The following TMEM123 variants were observed in gnomAD, a reference collection of about 807,000 sequenced individuals.
TMEM123 encodes transmembrane protein 123.
Under a neutral mutation model 19.7 loss-of-function variants are expected in TMEM123, and 16 were observed. The ratio of observed to expected loss-of-function variants is 0.81; its 90% CI spans 0.55 to 1.23. The LOEUF is 1.23. Ranked by LOEUF, TMEM123 falls within the 50% of genes most tolerant of loss-of-function variation. The pLI is 0.00. For missense variants in TMEM123, 313 were observed against 257.8 expected (o/e 1.21, Z -1.47); for synonymous variants, 118 against 99.4 (o/e 1.19, Z -1.12).
chr11:102,401,587 A>G lies in TMEM123; in HGVS notation c.554T>C (p.Ile185Thr). The G allele has an allele frequency of 6.2e-7, 1 of 1,601,018 alleles. No homozygotes were observed. The highest frequency in any genetic ancestry group is 8.5e-7 in the Non-Finnish European group (1 of 1,176,938). ...LTLGVLSILY[I>T]GCKMYYSRRG... ...TCTTGAGTAATACATTTTGCATCCA[A>G]TGTAAAGAATAGATAAAACTCCCAG... Residue 185 changes from isoleucine to threonine, a missense_variant, in exon 4 of 5, where the codon ATT becomes ACT. Transcript: ENST00000398136.
chr11:102,419,003 C>T lies in TMEM123; in HGVS notation c.158-16797G>A, dbSNP rs117380134. On this transcript the variant is annotated intron_variant, in intron 2 of 4. Coordinates refer to ENST00000398136, the MANE Select transcript of TMEM123 (RefSeq NM_052932.3). ...AGAAGGGAAGAATAACACACCAACA[C>T]CTGCCTGAGGGTAGGACCAGGGAGG... Among the ~76,000 whole-genome samples the T allele has an allele frequency of 4.5e-3, 692 of 152,226 alleles. 6 individuals are homozygous for T. The highest frequency in any genetic ancestry group is 0.01 in the Middle Eastern group (3 of 294).
At position 102,396,726 on chromosome 11, in the gene TMEM123, G is replaced by A. The variant is rs1475542429; in HGVS notation, c.*2141C>T. 1 of 152,106 alleles carries A rather than the reference G, an allele frequency of 6.6e-6. No homozygotes were observed. Among genetic ancestry groups the A allele is most frequent in the Admixed American group, 6.5e-5 (1 of 15,278 alleles). 9.4% of individuals were successfully genotyped at this position (152,106 alleles called of 1,614,324 possible). ...AACAACAAAAAAACCTACATTCAAA[G>A]TACGGGTATTTGAAAGTAACAAATT... On this transcript the variant is annotated 3_prime_UTR_variant, in exon 5 of 5. Transcript: ENST00000398136.
At chr11:102,401,399 G>C (rs1169080535) in intron 4 of TMEM123, 140 bp downstream of exon 4, 3 of 704,812 alleles carry the variant, frequency 4.3e-6, no homozygotes. Flanking sequence ...TTTACTTTGG[G>C]CCAAAAGGGT....
At chr11:102,430,591 A>T (rs1857688740) in intron 2 of TMEM123, among the ~76,000 whole-genome samples, 1 of 152,228 alleles carries the variant, frequency 6.6e-6, no homozygotes, top group Non-Finnish European at 1.5e-5. Flanking sequence ...TCAGGTAGTG[A>T]GAACAGAACA....
At chr11:102,405,957 A>C (rs1018334106) in intron 2 of TMEM123, among the ~76,000 whole-genome samples, 3 of 152,336 alleles carry the variant, frequency 2.0e-5, no homozygotes, top group Admixed American at 1.3e-4. Context: ...CCAAATTCAC[A>C]TTGGATGACC....
At chr11:102,428,603 G>A (rs763949205) in intron 2 of TMEM123, among the ~76,000 whole-genome samples, 20 of 150,908 alleles carry the variant, frequency 1.3e-4, no homozygotes, top group African/African-American at 2.2e-4. Context: ...CAGTGTGCCC[G>A]GCCCCCCCAA....
chr11:102,437,310 T>G (rs1857773054), intron 2 of TMEM123, among the ~76,000 whole-genome samples: 1 of 152,114 alleles, frequency 6.6e-6, no homozygotes, highest in East Asian at 1.9e-4. Flanking sequence ...AATACAAAAA[T>G]TAGCTGGGTG....
intron 2 of TMEM123, among the ~76,000 whole-genome samples, chr11:102,444,653 C>T (rs1008974290): frequency 6.6e-6 from 1 of 151,964 alleles, no homozygotes; most frequent in Non-Finnish European, 1.5e-5. Context: ...CAAACCTGCA[C>T]ATTGTGCACA....
At chr11:102,452,459 G>C in intron 1 of TMEM123, 65 bp downstream of exon 1, 1 of 1,325,080 alleles carries the variant, frequency 7.5e-7, no homozygotes, top group Non-Finnish European at 9.9e-7. Context: ...CCCAACTTGG[G>C]AACCCAAGCC....
intron 2 of TMEM123, among the ~76,000 whole-genome samples, chr11:102,434,012 T>A (rs1371226743): frequency 2.6e-5 from 4 of 151,948 alleles, no homozygotes; most frequent in African/African-American, 9.7e-5. Flanking sequence ...CGAGAACAGA[T>A]AAATACACTT....
chr11:102,407,808 T>A (rs75899078), intron 2 of TMEM123, among the ~76,000 whole-genome samples: 93 of 152,322 alleles, frequency 6.1e-4, no homozygotes, highest in African/African-American at 2.1e-3. Context: ...CACCTTCACC[T>A]CTGACTCCAG....
intron 2 of TMEM123, among the ~76,000 whole-genome samples, chr11:102,410,602 T>C (rs1238131581): frequency 6.6e-6 from 1 of 151,440 alleles, no homozygotes; most frequent in Non-Finnish European, 1.5e-5. Flanking sequence ...TCCCCAAGCC[T>C]CTCATCCTGG....
chr11:102,437,725 C>T (rs1857779441), intron 2 of TMEM123, among the ~76,000 whole-genome samples: 1 of 152,140 alleles, frequency 6.6e-6, no homozygotes, highest in South Asian at 2.1e-4. Context: ...TAAAAAGACC[C>T]AGAGACATTA....
chr11:102,411,780 T>C (rs1445077192), intron 2 of TMEM123, among the ~76,000 whole-genome samples: 2 of 152,202 alleles, frequency 1.3e-5, no homozygotes, highest in East Asian at 1.9e-4. Context: ...AATGAATTAA[T>C]TGTAAGAACG....
intron 2 of TMEM123, among the ~76,000 whole-genome samples, chr11:102,429,533 C>T (rs1211650257): frequency 6.6e-6 from 1 of 152,200 alleles, no homozygotes; most frequent in Admixed American, 6.5e-5. Flanking sequence ...TAACCTTTGA[C>T]TCTTGCCTTG....
rs1311278338 is a variant in TMEM123, at chr11:102,397,148, G to GT, written c.*1718dup. The GT allele has an allele frequency of 6.6e-6, 1 of 152,148 alleles. No individual in the cohort carries two copies. The highest frequency in any genetic ancestry group is 1.5e-5 in the Non-Finnish European group (1 of 68,026). The allele number at this position is 152,148 out of a possible 1,614,324, so 9.4% of individuals were successfully genotyped here. ...AAAATTTCCTCCATACTCCATGTATGTGTTACATACATCCAATCATATCCA... is the reference window on the plus strand; with the variant it reads ...AAAATTTCCTCCATACTCCATGTATGTTGTTACATACATCCAATCATATCCA... On this transcript the variant is annotated 3_prime_UTR_variant, in exon 5 of 5. Transcript: ENST00000398136.
At chr11:102,400,718 A>C (rs1320789206) in intron 4 of TMEM123, among the ~76,000 whole-genome samples, 1 of 152,242 alleles carries the variant, frequency 6.6e-6, no homozygotes, top group Non-Finnish European at 1.5e-5. Context: ...ATTAGAGGTC[A>C]GAGAACTAGC....
At chr11:102,400,928 T>C (rs958095648) in intron 4 of TMEM123, among the ~76,000 whole-genome samples, 20 of 152,194 alleles carry the variant, frequency 1.3e-4, no homozygotes, top group African/African-American at 3.9e-4. Context: ...AAAAGGACTA[T>C]TGGAGCAACA....
chr11:102,426,728 C>T (rs1297311180), intron 2 of TMEM123, among the ~76,000 whole-genome samples: 1 of 152,042 alleles, frequency 6.6e-6, no homozygotes, highest in African/African-American at 2.4e-5. Flanking sequence ...AAAAAGTTTA[C>T]AACCAAGTAA....
Sources: gnomAD v4.1 joint callset for allele counts (sites outside exome capture counted in the v4.1 genomes callset) on GRCh38, gnomAD v4.1.1 for gene constraint, MANE v1.5 for transcripts, NCBI Gene and HGNC (gene_info 2026-07-23, HGNC 2026-07-21) for gene names.